Variants in SGMS1 observed in about 807,000 individuals in gnomAD.
The protein encoded by SGMS1 is sphingomyelin synthase 1.
A neutral mutation model predicts 46.2 loss-of-function variants in SGMS1; 13 were observed. The ratio of observed to expected loss-of-function variants is 0.28; its 90% CI spans 0.18 to 0.45. The LOEUF (loss-of-function observed/expected upper bound fraction) is 0.45. SGMS1 is among the 20% of genes least tolerant of loss of function. SGMS1 has a pLI of 1.00. For missense variants in SGMS1, 324 were observed against 519.9 expected (o/e 0.62, Z 3.66); for synonymous variants, 203 against 187.8 (o/e 1.08, Z -0.66).
chr10:50,504,539 C>T (rs1156585857), intron 3 of SGMS1, among the ~76,000 whole-genome samples: 1 of 152,098 alleles, frequency 6.6e-6, no homozygotes. Flanking sequence ...TGTGCAAGCT[C>T]ATACAGGTAG....
rs1336026293 is a variant in SGMS1 at position 50,305,756 on chromosome 10, T to A, written c.*1386A>T. On this transcript the variant is annotated 3_prime_UTR_variant, in exon 11 of 11. Transcript: ENST00000361781. ...GCCTTTTTATTTCCTTCACCATTATTGTTTTACAATACAAATATCACCTTG... is the reference window on the plus strand; with the variant it reads ...GCCTTTTTATTTCCTTCACCATTATAGTTTTACAATACAAATATCACCTTG... 6.5e-6 allele frequency: 1 copy of A among 152,732 alleles called. No homozygotes were observed. Among genetic ancestry groups the A allele is most frequent in the Non-Finnish European group, 1.5e-5 (1 of 68,004 alleles). 9.5% of individuals were successfully genotyped at this position (152,732 alleles called of 1,614,324 possible).
chr10:50,500,078 G>C (rs1357356676), intron 3 of SGMS1, among the ~76,000 whole-genome samples: 1 of 152,220 alleles, frequency 6.6e-6, no homozygotes, highest in Non-Finnish European at 1.5e-5. Context: ...TGAGGCAAGA[G>C]GATCGCTTGA....
At chr10:50,569,153 G>C (rs1454275182) in intron 2 of SGMS1, among the ~76,000 whole-genome samples, 7 of 151,998 alleles carry the variant, frequency 4.6e-5, no homozygotes, top group Admixed American at 3.3e-4. Context: ...GGCCTGTCGG[G>C]GGGTGGGAGC....
At chr10:50,400,040 A>G (rs1386443630) in intron 6 of SGMS1, among the ~76,000 whole-genome samples, 1 of 151,854 alleles carries the variant, frequency 6.6e-6, no homozygotes, top group Non-Finnish European at 1.5e-5. Context: ...AAAAAAAAAA[A>G]AAAGAGTTCA....
At chr10:50,346,880 T>C (rs899604623) in intron 6 of SGMS1, among the ~76,000 whole-genome samples, 1 of 151,894 alleles carries the variant, frequency 6.6e-6, no homozygotes, top group Non-Finnish European at 1.5e-5. Flanking sequence ...TTAAAATATC[T>C]GTAGAGATTG....
At chr10:50,577,657 C>A (rs1243601218) in intron 2 of SGMS1, among the ~76,000 whole-genome samples, 1 of 152,174 alleles carries the variant, frequency 6.6e-6, no homozygotes, top group Non-Finnish European at 1.5e-5. Flanking sequence ...ATTTAGGAAA[C>A]CTCTGAATCT....
chr10:50,464,030 A>G (rs1433579945), intron 4 of SGMS1, among the ~76,000 whole-genome samples: 1 of 152,234 alleles, frequency 6.6e-6, no homozygotes, highest in East Asian at 1.9e-4. Context: ...GAGGCTGGGC[A>G]GGCAGGATAA....
intron 6 of SGMS1, among the ~76,000 whole-genome samples, chr10:50,399,327 C>T (rs148687108): frequency 4.6e-5 from 7 of 152,010 alleles, no homozygotes; most frequent in African/African-American, 1.7e-4. Context: ...TACTTTCATA[C>T]AATAAAAGGT....
intron 5 of SGMS1, among the ~76,000 whole-genome samples, chr10:50,442,279 C>T (rs192204127): frequency 8.0e-5 from 12 of 150,750 alleles, no homozygotes; most frequent in Non-Finnish European, 1.3e-4. Flanking sequence ...TAGATTATTT[C>T]GTCACCCAAG....
Position 50,370,413 on chromosome 10 carries a change from T to A in SGMS1, c.-231-26068A>T, listed in dbSNP as rs1163815107. Reference sequence around the variant, plus strand: ...AGGCTTTTTTCTATTTTTTAAATTTTAATTTTTTTTTTACTTAAAAAATTT... The same window carrying A: ...AGGCTTTTTTCTATTTTTTAAATTTAAATTTTTTTTTTACTTAAAAAATTT... On this transcript the variant is annotated intron_variant, in intron 6 of 10. Coordinates refer to ENST00000361781, the MANE Select transcript of SGMS1 (RefSeq NM_147156.4). 2.0e-5 allele frequency among the ~76,000 whole-genome samples: 3 copies of A among 151,696 alleles called. No individual in the cohort carries two copies. In the East Asian group the frequency reaches 5.8e-4, roughly 29 times the overall value.
intron 1 of SGMS1, among the ~76,000 whole-genome samples, chr10:50,598,348 CTG>C (rs1273071386): frequency 2.6e-5 from 4 of 152,144 alleles, no homozygotes; most frequent in African/African-American, 9.7e-5. Context: ...TTGCAGAACT[CTG>C]AGAAATAAAT....
At chr10:50,506,470 TA>T (rs75050851) in intron 3 of SGMS1, among the ~76,000 whole-genome samples, 28 of 147,680 alleles carry the variant, frequency 1.9e-4, no homozygotes, top group African/African-American at 4.7e-4. Flanking sequence ...TCCTTCCTAA[TA>T]AAAAAAAAAG....
At chr10:50,411,029 C>T (rs1849090249) in intron 6 of SGMS1, among the ~76,000 whole-genome samples, 1 of 152,036 alleles carries the variant, frequency 6.6e-6, no homozygotes, top group Non-Finnish European at 1.5e-5. Context: ...TCTTTCTTTC[C>T]AAATTGAGAA....
Position 50,316,556 on chromosome 10 carries a change from G to T in SGMS1, c.742-5141C>A, listed in dbSNP as rs998250612. Among the ~76,000 whole-genome samples the T allele has an allele frequency of 1.3e-4, 20 of 152,308 alleles. 1 individual carries two copies. The highest frequency in any genetic ancestry group is 2.2e-4 in the Non-Finnish European group (15 of 68,028). On this transcript the variant is annotated intron_variant, in intron 8 of 10. Coordinates refer to ENST00000361781, the MANE Select transcript of SGMS1 (RefSeq NM_147156.4). The stretch of plus-strand genomic sequence containing the variant: ...CCTTCAGCAGCCTAGGTACCTTGCA[G>T]AAGTAATATTATACTATTCCAACTA...
At chr10:50,394,202 C>T (rs1346367611) in intron 6 of SGMS1, among the ~76,000 whole-genome samples, 3 of 152,180 alleles carry the variant, frequency 2.0e-5, no homozygotes, top group African/African-American at 7.2e-5. Flanking sequence ...CACCAGGAAT[C>T]CCTGAGCCAA....
chr10:50,346,278 T>C lies in SGMS1; in HGVS notation c.-231-1933A>G, dbSNP rs1847909886. On this transcript the variant is annotated intron_variant, in intron 6 of 10. Transcript: ENST00000361781. ...AAGCAGTGATTTTCAGATGGGTCTTTGGGTACCCATATCCTTTTGTTTTTC... is the reference window on the plus strand; with the variant it reads ...AAGCAGTGATTTTCAGATGGGTCTTCGGGTACCCATATCCTTTTGTTTTTC... 1.1e-4 allele frequency among the ~76,000 whole-genome samples: 17 copies of C among 152,358 alleles called. 1 individual carries two copies. In the South Asian group the frequency reaches 3.5e-3, roughly 32 times the overall value.
intron 5 of SGMS1, among the ~76,000 whole-genome samples, chr10:50,442,125 A>T (rs1849553710): frequency 6.6e-6 from 1 of 152,098 alleles, no homozygotes; most frequent in Non-Finnish European, 1.5e-5. Context: ...AAGATAAAAA[A>T]CAAAACAAAA....
chr10:50,413,697 G>A (rs1849131167), intron 6 of SGMS1, among the ~76,000 whole-genome samples: 1 of 152,112 alleles, frequency 6.6e-6, no homozygotes, highest in Non-Finnish European at 1.5e-5. Flanking sequence ...TTTTCCCTGG[G>A]GGTTTAAAAT....
chr10:50,383,038 TAAA>T (rs1315239209), intron 6 of SGMS1, among the ~76,000 whole-genome samples: 1 of 152,136 alleles, frequency 6.6e-6, no homozygotes, highest in Non-Finnish European at 1.5e-5. Context: ...TAAGAAGAAG[TAAA>T]AAAGTTTTTT....
Sources: allele counts gnomAD v4.1 joint callset (sites outside exome capture counted in the v4.1 genomes callset), GRCh38; gene constraint gnomAD v4.1.1; transcripts MANE v1.5; gene names NCBI Gene and HGNC (gene_info 2026-07-23, HGNC 2026-07-21).